Variants in SRFBP1 observed in about 807,000 individuals in gnomAD.
SRFBP1 encodes serum response factor binding protein 1, also known as serum response factor-binding protein 1.
In SRFBP1, 47 loss-of-function variants were observed where a neutral mutation model predicts 45.5. The ratio of observed to expected loss-of-function variants is 1.03; its 90% CI spans 0.82 to 1.32. SRFBP1 has a LOEUF of 1.32. Ranked by LOEUF, SRFBP1 falls within the 40% of genes most tolerant of loss-of-function variation. The pLI is 0.00. For missense variants in SRFBP1, 621 were observed against 484.6 expected, an observed-to-expected ratio of 1.28 and a Z score of -2.64; for synonymous variants, 203 against 166.3, an observed-to-expected ratio of 1.22 and a Z score of -1.70.
downstream of SRFBP1, among the ~76,000 whole-genome samples, chr5:122,033,485 T>C (rs2112722742): frequency 6.6e-6 from 1 of 152,174 alleles, no homozygotes. Context: ...CTTCTGCTTT[T>C]TTTTTTTGAG....
At chr5:121,962,909 A>T (rs1029652252) in intron 1 of SRFBP1, among the ~76,000 whole-genome samples, 2 of 152,240 alleles carry the variant, frequency 1.3e-5, no homozygotes, top group Admixed American at 6.5e-5. Context: ...GGGATATTTC[A>T]TATTTTCTAG....
chr5:121,999,113 A>G (rs574748865), intron 4 of SRFBP1, among the ~76,000 whole-genome samples: 101 of 152,260 alleles, frequency 6.6e-4, no homozygotes, highest in African/African-American at 2.3e-3. Flanking sequence ...AAAGCATTTA[A>G]TGCTATGCAT....
intron 3 of SRFBP1, among the ~76,000 whole-genome samples, chr5:121,976,123 TA>T (rs1752297349): frequency 6.6e-6 from 1 of 151,884 alleles, no homozygotes; most frequent in Non-Finnish European, 1.5e-5. Context: ...AAAAGAGAAA[TA>T]AAACTCTCTA....
chr5:122,002,127 C>T (rs577480228), intron 4 of SRFBP1, among the ~76,000 whole-genome samples: 6 of 152,198 alleles, frequency 3.9e-5, no homozygotes, highest in South Asian at 4.2e-4. Context: ...TTTTAATATT[C>T]GCAACTCTAG....
intron 4 of SRFBP1, among the ~76,000 whole-genome samples, chr5:122,014,556 A>G (rs967089563): frequency 3.3e-5 from 5 of 151,164 alleles, no homozygotes; most frequent in African/African-American, 9.9e-5. Flanking sequence ...AGAAGAAGAC[A>G]TTAGAAAAAA....
intron 2 of SRFBP1, among the ~76,000 whole-genome samples, chr5:122,069,197 C>T (rs560522363): frequency 3.7e-4 from 57 of 152,214 alleles, no homozygotes; most frequent in Non-Finnish European, 4.4e-4. Flanking sequence ...TCTAGTATAG[C>T]TCTGCTATAC....
At chr5:122,058,606 A>C (rs745936043) in intron 2 of SRFBP1, among the ~76,000 whole-genome samples, 1 of 151,296 alleles carries the variant, frequency 6.6e-6, no homozygotes, top group African/African-American at 2.4e-5. Flanking sequence ...GCAACAACTC[A>C]TTAAATATTT....
At chr5:122,077,551 C>G (rs1416292457), downstream of SRFBP1, 1 of 1,613,366 alleles carries the variant, frequency 6.2e-7, no homozygotes, top group Non-Finnish European at 8.5e-7. The surrounding 1 kb of genome is among the most constrained non-coding windows in gnomAD (Gnocchi z 4.9). Context: ...CCGGCGCTGT[C>G]TGGTTCTCCG....
chr5:122,074,329 T>TC (rs1308762756), intron 2 of SRFBP1, among the ~76,000 whole-genome samples: 1 of 152,186 alleles, frequency 6.6e-6, no homozygotes, highest in Non-Finnish European at 1.5e-5. Context: ...GGTTTTTTTT[T>TC]CCCCAGGACA....
intron 1 of SRFBP1, among the ~76,000 whole-genome samples, chr5:121,962,988 C>T (rs1751981339): frequency 6.6e-6 from 1 of 152,142 alleles, no homozygotes; most frequent in Non-Finnish European, 1.5e-5. Flanking sequence ...TGAAGAATGC[C>T]TCCAAAACCT....
At chr5:121,980,061 C>A (rs1031037318) in intron 3 of SRFBP1, among the ~76,000 whole-genome samples, 6 of 152,136 alleles carry the variant, frequency 3.9e-5, no homozygotes, top group African/African-American at 1.4e-4. Context: ...AGCATCACCT[C>A]CCTTTGCTAG....
intron 1 of SRFBP1, among the ~76,000 whole-genome samples, chr5:121,971,543 G>A (rs1331390065): frequency 6.6e-6 from 1 of 151,984 alleles, no homozygotes; most frequent in Non-Finnish European, 1.5e-5. Context: ...GAAATGTCAA[G>A]CAGGAAGTTG....
At position 122,050,808 on chromosome 5, in the gene SRFBP1, G is replaced by T. The variant is rs80127679; in HGVS notation, n.312-24507G>T. Among the ~76,000 whole-genome samples, 1,465 of 151,964 alleles carry T rather than the reference G, an allele frequency of 9.6e-3. 26 individuals carry two copies. Among genetic ancestry groups the T allele is most frequent in the African/African-American group, 0.033 (1,365 of 41,492 alleles). On this transcript the variant is annotated intron_variant and non_coding_transcript_variant, in intron 2 of 2. Transcript: ENST00000504881. Reference sequence around the variant, plus strand: ...CTTCCATAAGCTTTGGGATTGGCATGCTCTTGTTTCTCTAGTTCTTCCAGT... The same window carrying T: ...CTTCCATAAGCTTTGGGATTGGCATTCTCTTGTTTCTCTAGTTCTTCCAGT...
intron 4 of SRFBP1, among the ~76,000 whole-genome samples, chr5:122,011,968 C>T (rs1033238162): frequency 6.6e-6 from 1 of 152,090 alleles, no homozygotes; most frequent in Non-Finnish European, 1.5e-5. Context: ...TTTTCAAAAA[C>T]ACATGAAGGG....
chr5:122,025,135 C>T (rs867805092), intron 7 of SRFBP1, among the ~76,000 whole-genome samples: 111 of 152,096 alleles, frequency 7.3e-4, no homozygotes, highest in African/African-American at 2.4e-3. Context: ...CAACAGTCCC[C>T]GGTGTGTGAT....
In SRFBP1 at chr5:122,028,253, C is replaced by G. The variant is rs1334682281; in HGVS notation, c.*1127C>G. 6.6e-6 allele frequency: 1 copy of G among 152,202 alleles called. No individual in the cohort carries two copies. The highest frequency in any genetic ancestry group is 1.5e-5 in the Non-Finnish European group (1 of 68,034). 9.4% of individuals were successfully genotyped at this position (152,202 alleles called of 1,614,324 possible). ...TTCCTTTAATGGCAGGGAAGGCCATCTGGTTAACCTGTATTCACAAACTCT... is the reference window on the plus strand; with the variant it reads ...TTCCTTTAATGGCAGGGAAGGCCATGTGGTTAACCTGTATTCACAAACTCT... On this transcript the variant is annotated 3_prime_UTR_variant, in exon 8 of 8. Transcript: ENST00000339397.
At chr5:122,070,685 A>G in intron 2 of SRFBP1, 1 of 635,010 alleles carries the variant, frequency 1.6e-6, no homozygotes. Context: ...TTAAGTTAGT[A>G]CTTACAAGAG....
chr5:121,990,874 G>A (rs768925603), intron 3 of SRFBP1, among the ~76,000 whole-genome samples: 1 of 152,142 alleles, frequency 6.6e-6, no homozygotes, highest in Non-Finnish European at 1.5e-5. Context: ...CAACAAGCTG[G>A]TTAGAATATA....
chr5:122,057,899 TA>T (rs1754110849), intron 2 of SRFBP1, among the ~76,000 whole-genome samples: 1 of 151,864 alleles, frequency 6.6e-6, no homozygotes, highest in African/African-American at 2.4e-5. Flanking sequence ...TGCTGGTCTC[TA>T]ACTCCTCAAC....
Sources: gnomAD v4.1 joint callset for allele counts (sites outside exome capture counted in the v4.1 genomes callset) on GRCh38, gnomAD v4.1.1 for gene constraint, Gnocchi (gnomAD v3.1) non-coding constraint, MANE v1.5 for transcripts, NCBI Gene and HGNC (gene_info 2026-07-23, HGNC 2026-07-21) for gene names.